TNKS2: variants seen among roughly 807,000 people sequenced by gnomAD.
The protein encoded by TNKS2 is tankyrase 2.
TNKS2 carries 72 observed loss-of-function variants against 137.6 expected under a neutral mutation model. The ratio of observed to expected loss-of-function variants is 0.52; its 90% CI spans 0.43 to 0.64. The LOEUF (loss-of-function observed/expected upper bound fraction) is 0.64. TNKS2 is among the 30% of genes least tolerant of loss of function. TNKS2 has a pLI of 0.00. For missense variants in TNKS2, 1,049 were observed against 1,410.2 expected, an observed-to-expected ratio of 0.74 and a Z score of 4.10; for synonymous variants, 516 against 512.1, an observed-to-expected ratio of 1.01 and a Z score of -0.10.
intron 6 of TNKS2, among the ~76,000 whole-genome samples, chr10:91,821,755 G>C (rs561660101): frequency 9.2e-5 from 14 of 152,306 alleles, no homozygotes; most frequent in African/African-American, 3.1e-4. Flanking sequence ...AAATGAGCCA[G>C]AACAAAGGAG....
At chr10:91,849,453 G>T in intron 19 of TNKS2, 59 bp from the exon 20 acceptor site, 1 of 1,336,272 alleles carries the variant, frequency 7.5e-7, no homozygotes, top group East Asian at 2.3e-5. Flanking sequence ...CTGTTATAGT[G>T]ATGAAATACA....
intron 1 of TNKS2, among the ~76,000 whole-genome samples, chr10:91,811,597 TAAAAC>T (rs888965538): frequency 2.6e-5 from 4 of 152,126 alleles, no homozygotes; most frequent in Admixed American, 6.5e-5. Context: ...CCAGCAATGT[TAAAAC>T]AAAACAAAAA....
intron 23 of TNKS2, among the ~76,000 whole-genome samples, chr10:91,856,898 C>G (rs1331081492): frequency 2.7e-5 from 4 of 150,642 alleles, no homozygotes; most frequent in African/African-American, 9.7e-5. Context: ...CCTAGAAATA[C>G]TCCTAATGAG....
chr10:91,827,230 G>T (rs1845097192), intron 8 of TNKS2, 27 bp downstream of exon 8: 1 of 1,450,390 alleles, frequency 6.9e-7, no homozygotes, highest in Non-Finnish European at 9.2e-7. Flanking sequence ...GAATGTTCAG[G>T]TAGGATATTA....
chr10:91,837,557 T>A (rs1461856994), intron 13 of TNKS2, among the ~76,000 whole-genome samples: 1 of 152,166 alleles, frequency 6.6e-6, no homozygotes, highest in East Asian at 1.9e-4. Flanking sequence ...ACTCTTGCTG[T>A]AGAAATATGT....
chr10:91,825,183 C>T (rs938564383), intron 7 of TNKS2, among the ~76,000 whole-genome samples: 10 of 152,134 alleles, frequency 6.6e-5, no homozygotes, highest in African/African-American at 2.2e-4. Flanking sequence ...CTCATTGCAG[C>T]CGCAACCTTC....
At chr10:91,852,964 A>G (rs916886310) in intron 21 of TNKS2, among the ~76,000 whole-genome samples, 1 of 152,204 alleles carries the variant, frequency 6.6e-6, no homozygotes, top group African/African-American at 2.4e-5. Flanking sequence ...GATAAAGAGG[A>G]GGGAAAGTCC....
At chr10:91,842,507 C>A in intron 16 of TNKS2, 116 bp downstream of exon 16, 2 of 903,048 alleles carry the variant, frequency 2.2e-6, no homozygotes, top group Non-Finnish European at 3.4e-6. Flanking sequence ...AGCATGGTGG[C>A]TCACACTTGT....
rs115352585 is a variant in TNKS2 at position 91,859,733 on chromosome 10, C to T, written c.3281+85C>T. On this transcript the variant is annotated intron_variant, in intron 25 of 26. Coordinates refer to ENST00000371627, the MANE Select transcript of TNKS2 (RefSeq NM_025235.4). ...TTTGAGGGCAAAGCATTATGTTGGA[C>T]AGTCTTAGGAATGCAAGCTAGGCAT... The T allele has an allele frequency of 1.4e-4, 166 of 1,155,560 alleles. 1 individual carries two copies. The African/African-American group carries it at 2.4e-3, about 17-fold the overall frequency. 71.6% of individuals were successfully genotyped at this position (1,155,560 alleles called of 1,614,324 possible).
In TNKS2 at chr10:91,848,433, G is replaced by A; in HGVS notation, c.2409G>A (p.Leu803=). 1 of 1,614,196 alleles carries A rather than the reference G, an allele frequency of 6.2e-7. No homozygotes were observed. ...LLTAAMPPSA[L]PSCYKPQVLN... ...CAGCAGCCATGCCCCCATCTGCTCT[G>A]CCCTCTTGTTACAAGCCTCAAGTGC... is the stretch of plus-strand genomic sequence containing the variant. The change falls in exon 19 of 27, where the codon CTG becomes CTA. Residue 803 remains leucine (L), a synonymous_variant. Coordinates refer to ENST00000371627, the MANE Select transcript of TNKS2 (RefSeq NM_025235.4).
At chr10:91,857,652 A>G (rs1042498895) in intron 24 of TNKS2, 122 bp downstream of exon 24, 3 of 464,824 alleles carry the variant, frequency 6.5e-6, no homozygotes, top group African/African-American at 4.0e-5. Flanking sequence ...TAAACCTACT[A>G]TTTCTGTAAC....
chr10:91,841,398 C>A lies in TNKS2; in HGVS notation c.1789C>A (p.His597Asn). The change falls in exon 15 of 27, where the codon CAT becomes AAT. Residue 597 changes from histidine (H) to asparagine (N), a missense_variant. Physicochemically the swap from His to Asn is moderately conservative, Grantham distance 68. Coordinates refer to ENST00000371627, the MANE Select transcript of TNKS2 (RefSeq NM_025235.4). The stretch of plus-strand genomic sequence containing the variant: ...TGATTTATGGAAATTTACACCTTTA[C>A]ATGAAGCAGCAGCAAAAGGAAAATA... ...VADLWKFTPL[H>N]EAAAKGKYEI... 6.2e-7 allele frequency: 1 copy of A among 1,608,740 alleles called. No homozygotes were observed. The highest frequency in any genetic ancestry group is 8.5e-7 in the Non-Finnish European group (1 of 1,177,794).
At chr10:91,830,202 T>C (rs1298066425) in intron 9 of TNKS2, among the ~76,000 whole-genome samples, 1 of 152,176 alleles carries the variant, frequency 6.6e-6, no homozygotes, top group Non-Finnish European at 1.5e-5. Flanking sequence ...CCAGAGCTGA[T>C]GAGTGTTCTG....
At position 91,804,320 on chromosome 10, in the gene TNKS2, C is replaced by T. The variant is rs1382758032; in HGVS notation, c.199+5431C>T. On this transcript the variant is annotated intron_variant, in intron 1 of 26. Coordinates refer to ENST00000371627, the MANE Select transcript of TNKS2 (RefSeq NM_025235.4). ...GGACACAATACCTGCCATTAACTGACACATGGTTAATGTGGTCAACAAGTA... is the reference window on the plus strand; with the variant it reads ...GGACACAATACCTGCCATTAACTGATACATGGTTAATGTGGTCAACAAGTA... 2.6e-5 allele frequency among the ~76,000 whole-genome samples: 4 copies of T among 152,194 alleles called. No homozygotes were observed. The East Asian group carries it at 7.7e-4, about 29-fold the overall frequency.
At chr10:91,799,775 T>A (rs1456498396) in intron 1 of TNKS2, among the ~76,000 whole-genome samples, 1 of 152,226 alleles carries the variant, frequency 6.6e-6, no homozygotes, top group East Asian at 1.9e-4. Context: ...GATGACTGTT[T>A]CTAACTTCAG....
At chr10:91,835,276 C>CTTTTTTTTCTTTTTTTTTTTTTTTT (rs1554838003) in intron 12 of TNKS2, among the ~76,000 whole-genome samples, 1 of 141,354 alleles carries the variant, frequency 7.1e-6, no homozygotes, top group Non-Finnish European at 1.5e-5. Flanking sequence ...GCCCATTTCT[C>CTTTTTTTTCTTTTTTTTTTTTTTTT]TTTTTTTTCT....
intron 13 of TNKS2, 89 bp from the exon 14 acceptor site, chr10:91,840,472 G>A: frequency 8.4e-7 from 1 of 1,193,206 alleles, no homozygotes; most frequent in Non-Finnish European, 1.2e-6. Context: ...AAATAAGTCA[G>A]ACACTTTGAA....
intron 1 of TNKS2, among the ~76,000 whole-genome samples, chr10:91,803,314 A>G (rs557737675): frequency 1.3e-5 from 2 of 152,182 alleles, no homozygotes; most frequent in Admixed American, 1.3e-4. Context: ...AGAGTTCAAG[A>G]CCAGCCTGGG....
At chr10:91,831,235 G>A (rs1845236377) in intron 11 of TNKS2, 54 bp downstream of exon 11, 8 of 1,504,886 alleles carry the variant, frequency 5.3e-6, no homozygotes, top group South Asian at 2.3e-5. Flanking sequence ...TTTTTATTTA[G>A]CAGGTGAAAT....
Sources: allele counts gnomAD v4.1 joint callset (sites outside exome capture counted in the v4.1 genomes callset), GRCh38; gene constraint gnomAD v4.1.1; transcripts MANE v1.5; gene names NCBI Gene and HGNC (gene_info 2026-07-23, HGNC 2026-07-21).